The following MYO1E variants were observed in gnomAD, a reference collection of about 807,000 sequenced individuals.
The protein encoded by MYO1E is myosin IE, also known as unconventional myosin-Ie.
Under a neutral mutation model 151.1 loss-of-function variants are expected in MYO1E, and 68 were observed. That is an observed-to-expected ratio of 0.45 (90% CI 0.37 to 0.55). The LOEUF is 0.55. MYO1E is among the 20% of genes least tolerant of loss of function. The pLI is 0.00. For synonymous variants in MYO1E, 601 were observed against 501.7 expected, an observed-to-expected ratio of 1.20 and a Z score of -2.64; for missense variants, 1,363 against 1,389.3, an observed-to-expected ratio of 0.98 and a Z score of 0.30.
intron 1 of MYO1E, among the ~76,000 whole-genome samples, chr15:59,290,480 C>T (rs926969126): frequency 3.4e-4 from 51 of 152,146 alleles, no homozygotes; most frequent in African/African-American, 1.2e-3. Context: ...TTGGAGCCAC[C>T]CTGCGACATC....
rs1416564638 is a variant in MYO1E, at chr15:59,133,606, G to A, written c.*3774C>T. On this transcript the variant is annotated 3_prime_UTR_variant, in exon 28 of 28. Coordinates refer to ENST00000288235, the MANE Select transcript of MYO1E (RefSeq NM_004998.4). ...CTGCAATCAATCAGCTAGGCCTTGG[G>A]AGAAAAGCAAAACAGGGAAAGAGGG... The A allele has an allele frequency of 6.6e-6, 1 of 152,160 alleles. No individual in the cohort carries two copies. The highest frequency in any genetic ancestry group is 1.5e-5 in the Non-Finnish European group (1 of 68,038). 9.4% of individuals were successfully genotyped at this position (152,160 alleles called of 1,614,324 possible). A position where few individuals can be genotyped will look rare whatever the true frequency, so the allele number is the denominator to read the frequency against.
chr15:59,140,875 C>CCCA (rs747364972), intron 26 of MYO1E, among the ~76,000 whole-genome samples: 20 of 152,128 alleles, frequency 1.3e-4, no homozygotes, highest in Non-Finnish European at 2.5e-4. Context: ...CTCCACTCCT[C>CCCA]CCACCACCAC....
At chr15:59,275,295 TC>T (rs367959698) in intron 1 of MYO1E, among the ~76,000 whole-genome samples, 455 of 152,306 alleles carry the variant, frequency 3.0e-3, no homozygotes, top group African/African-American at 0.01. Context: ...GACCACCTCC[TC>T]TTAGCATTAG....
At chr15:59,341,161 T>G (rs1317834194) in intron 1 of MYO1E, among the ~76,000 whole-genome samples, 1 of 152,190 alleles carries the variant, frequency 6.6e-6, no homozygotes, top group Admixed American at 6.5e-5. Flanking sequence ...AATAATCACA[T>G]GATCGAAAAT....
intron 1 of MYO1E, among the ~76,000 whole-genome samples, chr15:59,289,412 G>A (rs2080406287): frequency 6.6e-6 from 1 of 152,106 alleles, no homozygotes; most frequent in African/African-American, 2.4e-5. Context: ...ATTATATATG[G>A]GAGCAGCTCA....
At chr15:59,257,875 C>G (rs1042492752) in intron 3 of MYO1E, among the ~76,000 whole-genome samples, 4 of 152,152 alleles carry the variant, frequency 2.6e-5, no homozygotes, top group Non-Finnish European at 5.9e-5. Context: ...AAATGGACTT[C>G]TAGTCCACAA....
chr15:59,167,474 T>C (rs1944297968), intron 22 of MYO1E, among the ~76,000 whole-genome samples: 1 of 152,126 alleles, frequency 6.6e-6, no homozygotes, highest in Non-Finnish European at 1.5e-5. Context: ...GTTTTTCAAA[T>C]AAGAGTGGGG....
At chr15:59,219,348 T>C (rs2079939808) in intron 9 of MYO1E, among the ~76,000 whole-genome samples, 1 of 152,264 alleles carries the variant, frequency 6.6e-6, no homozygotes, top group Admixed American at 6.5e-5. Flanking sequence ...ATGCAAATTT[T>C]GAACTTGGCT....
chr15:59,286,922 G>A (rs1479221620), intron 1 of MYO1E, among the ~76,000 whole-genome samples: 2 of 152,148 alleles, frequency 1.3e-5, no homozygotes, highest in Admixed American at 6.5e-5. Flanking sequence ...TGGCAGAGAT[G>A]AGAGTCCCGT....
At chr15:59,305,013 A>T (rs1294073395) in intron 1 of MYO1E, among the ~76,000 whole-genome samples, 1 of 152,224 alleles carries the variant, frequency 6.6e-6, no homozygotes, top group Admixed American at 6.5e-5. Flanking sequence ...ACAGGAAGAC[A>T]ACATGGCCGA....
At chr15:59,343,501 A>C (rs1337696440) in intron 1 of MYO1E, among the ~76,000 whole-genome samples, 1 of 152,030 alleles carries the variant, frequency 6.6e-6, no homozygotes, top group Non-Finnish European at 1.5e-5. Flanking sequence ...CCTTTTAGTT[A>C]AATCTGCTTG....
intron 4 of MYO1E, among the ~76,000 whole-genome samples, chr15:59,253,901 C>CTTTTTTTTTTTTTTTTT (rs34819314): frequency 1.3e-4 from 17 of 135,840 alleles, no homozygotes; most frequent in Non-Finnish European, 2.6e-4. Flanking sequence ...GACAAACAAC[C>CTTTTTTTTTTTTTTTTT]TTTTTTTTTT....
intron 11 of MYO1E, 33 bp from the exon 12 acceptor site, chr15:59,214,347 T>G (rs2079900158): frequency 6.8e-7 from 1 of 1,473,680 alleles, no homozygotes; most frequent in Non-Finnish European, 9.5e-7. Flanking sequence ...ATGTAATTCT[T>G]TCACAAAATC....
chr15:59,202,566 T>G (rs2079808817), intron 15 of MYO1E, among the ~76,000 whole-genome samples, 159 bp from the exon 16 acceptor site: 1 of 152,100 alleles, frequency 6.6e-6, no homozygotes, highest in Non-Finnish European at 1.5e-5. Flanking sequence ...AGATGTGACT[T>G]GGGGAAATGA....
chr15:59,296,089 TA>T (rs2080446875), intron 1 of MYO1E, among the ~76,000 whole-genome samples: 1 of 152,120 alleles, frequency 6.6e-6, no homozygotes, highest in Non-Finnish European at 1.5e-5. Context: ...AATTCCAGCC[TA>T]AAAGCCTGTC....
intron 1 of MYO1E, among the ~76,000 whole-genome samples, chr15:59,309,341 A>C (rs1474361335): frequency 1.3e-5 from 2 of 152,170 alleles, no homozygotes. Context: ...CAATACTACA[A>C]CCCCCAAAAA....
intron 1 of MYO1E, among the ~76,000 whole-genome samples, chr15:59,308,954 A>T (rs1302830314): frequency 6.6e-6 from 1 of 151,638 alleles, no homozygotes; most frequent in Non-Finnish European, 1.5e-5. Flanking sequence ...GAGTCAGAAA[A>T]CCTGTTCGAT....
At chr15:59,204,066 G>C (rs78473832) in intron 15 of MYO1E, among the ~76,000 whole-genome samples, 7,666 of 152,240 alleles carry the variant, frequency 0.05, 219 homozygotes, top group Middle Eastern at 0.095. Context: ...AAACTTGGCA[G>C]GAATTTTAAT....
At chr15:59,288,880 G>A (rs188724492) in intron 1 of MYO1E, among the ~76,000 whole-genome samples, 156 of 152,286 alleles carry the variant, frequency 1.0e-3, no homozygotes, top group Non-Finnish European at 1.5e-3. Flanking sequence ...AACCAAAATG[G>A]AAGCCAGTGA....
Sources: allele counts gnomAD v4.1 joint callset (sites outside exome capture counted in the v4.1 genomes callset), GRCh38; gene constraint gnomAD v4.1.1; transcripts MANE v1.5; gene names NCBI Gene and HGNC (gene_info 2026-07-23, HGNC 2026-07-21).